Variants in BRCA1 observed in about 807,000 individuals in gnomAD.
BRCA1 encodes breast cancer type 1 susceptibility protein.
In BRCA1, 140 loss-of-function variants were observed where a neutral mutation model predicts 173.7. The ratio of observed to expected loss-of-function variants is 0.81; its 90% CI spans 0.70 to 0.93. The LOEUF is 0.93. BRCA1 is among the 40% of genes least tolerant of loss of function. The pLI is 0.00. For missense variants in BRCA1, 1,983 were observed against 2,172.5 expected, an observed-to-expected ratio of 0.91 and a Z score of 1.73; for synonymous variants, 662 against 756.0, an observed-to-expected ratio of 0.88 and a Z score of 2.04.
chr17:43,164,002 G>C (rs866844265), intron 1 of BRCA1: 1 of 152,252 alleles, frequency 6.6e-6, no homozygotes, highest in Non-Finnish European at 1.5e-5. Flanking sequence ...GTCGACTGGA[G>C]GACCACCTTA....
chr17:43,079,298 C>G, intron 12 of BRCA1: 7 of 1,537,974 alleles, frequency 4.6e-6, no homozygotes, highest in Non-Finnish European at 6.2e-6. Context: ...AGTAATTTGC[C>G]AAAATGACGA....
intron 9 of BRCA1, 33 bp downstream of exon 9, chr17:43,095,813 A>G (rs1464234975): frequency 6.5e-7 from 1 of 1,547,362 alleles, no homozygotes; most frequent in South Asian, 1.1e-5. Flanking sequence ...CTCTCTTTTC[A>G]GTGCCTGTTA....
In BRCA1 at chr17:43,119,033, C is replaced by T. The variant is rs185558851; in HGVS notation, c.81-3254G>A. 320 of 215,922 alleles carry T rather than the reference C, an allele frequency of 1.5e-3. 1 individual carries two copies. The highest frequency in any genetic ancestry group is 2.5e-3 in the Non-Finnish European group (263 of 107,124). The allele number at this position is 215,922 out of a possible 1,614,324, so 13.4% of individuals were successfully genotyped here. On this transcript the variant is annotated intron_variant, in intron 2 of 22. Coordinates refer to ENST00000357654, the MANE Select transcript of BRCA1 (RefSeq NM_007294.4). ...CATCTGCCTCGACCGGGATTACAGG[C>T]GTGAGCCACTACACTTAGCTCTAAA...
At chr17:43,138,914 T>G (rs368431490) in intron 1 of BRCA1, 1 of 778,738 alleles carries the variant, frequency 1.3e-6, no homozygotes, top group African/African-American at 1.7e-5. Flanking sequence ...CCTCTGGAAA[T>G]CAGCTGTGGT....
At chr17:43,123,102 A>C (rs1449270040) in intron 2 of BRCA1, among the ~76,000 whole-genome samples, 1 of 151,668 alleles carries the variant, frequency 6.6e-6, no homozygotes, top group Admixed American at 6.6e-5. Context: ...ATGGTGGTGC[A>C]CACCTATCGT....
At position 43,092,016 on chromosome 17, in the gene BRCA1, T is replaced by C. The variant is rs80357206; in HGVS notation, c.3515A>G (p.Glu1172Gly). The change falls in exon 10 of 23, where the codon GAA becomes GGA. Residue 1172 changes from glutamate to glycine, a missense_variant. Physicochemically the swap from Glu to Gly is moderately conservative, Grantham distance 98 (BLOSUM62 -2). Transcript: ENST00000357654. ...GCTTTTGCTAAAAACAGCAGAACTT[T>C]CCTTAATGTCATTTTCAGCAAAACT... is the stretch of plus-strand genomic sequence containing the variant. ...DTSFAENDIKESSAVFSKSVQ... is the reference protein window; with the variant it reads ...DTSFAENDIKGSSAVFSKSVQ... 1.2e-6 allele frequency: 2 copies of C among 1,613,980 alleles called. No homozygotes were observed. Among genetic ancestry groups the C allele is most frequent in the Non-Finnish European group, 1.7e-6 (2 of 1,180,016 alleles).
At chr17:43,168,510 C>G (rs1305075835) in intron 1 of BRCA1, among the ~76,000 whole-genome samples, 1 of 152,178 alleles carries the variant, frequency 6.6e-6, no homozygotes, top group African/African-American at 2.4e-5. Flanking sequence ...CATGGTGGTG[C>G]ATGCGTGTAA....
rs2154300137 is a variant in BRCA1 at position 43,091,932 on chromosome 17, T to C, written c.3599A>G (p.Gln1200Arg). The C allele has an allele frequency of 6.2e-7, 1 of 1,614,098 alleles. No homozygotes were observed. Among genetic ancestry groups the C allele is most frequent in the Non-Finnish European group, 8.5e-7 (1 of 1,179,946 alleles). Residue 1200 changes from glutamine to arginine, a missense_variant, in exon 10 of 23, where the codon CAG becomes CGG. Physicochemically the swap from Gln to Arg is conservative, Grantham distance 43 (BLOSUM62 1). Coordinates refer to ENST00000357654, the MANE Select transcript of BRCA1 (RefSeq NM_007294.4). ...TTTCTTGGCCCCTCTTCGGTAACCC[T>C]GAGCCAAATGTGTATGGGTGAAAGG... ...PSPFTHTHLA[Q>R]GYRRGAKKLE...
chr17:43,087,632 A>C (rs1469147167), intron 11 of BRCA1, among the ~76,000 whole-genome samples: 1 of 151,326 alleles, frequency 6.6e-6, no homozygotes, highest in Admixed American at 6.6e-5. Context: ...ACTGCACTCC[A>C]GCCTGGGCAA....
rs11421283 is a variant in BRCA1 at position 43,067,836 on chromosome 17, A to ATT, written c.4987-143_4987-142dup. The ATT allele has an allele frequency of 0.021, 4,453 of 213,860 alleles. 87 individuals carry two copies. The highest frequency in any genetic ancestry group is 0.072 in the African/African-American group (1,680 of 23,406). 13.2% of individuals were successfully genotyped at this position (213,860 alleles called of 1,614,324 possible). On this transcript the variant is annotated intron_variant, in intron 15 of 22. Coordinates refer to ENST00000357654, the MANE Select transcript of BRCA1 (RefSeq NM_007294.4). ...CGTGTCCTGGAACTATTTAAAGTGA[A>ATT]TTTTTTTTTTTTTTTTTTTAGACAG...
intron 14 of BRCA1, among the ~76,000 whole-genome samples, chr17:43,073,317 T>A (rs2052538484): frequency 6.6e-6 from 1 of 152,170 alleles, no homozygotes; most frequent in African/African-American, 2.4e-5. Flanking sequence ...ACACCATTAC[T>A]TTTTTCACTT....
In BRCA1 at chr17:43,094,066, C is replaced by T. The variant is rs80357167; in HGVS notation, c.1465G>A (p.Glu489Lys). 1.2e-6 allele frequency: 2 copies of T among 1,614,078 alleles called. No homozygotes were observed. The highest frequency in any genetic ancestry group is 1.7e-6 in the Non-Finnish European group (2 of 1,179,994). ...GGACGCTCTTGTATTATCTGTGGCT[C>T]AGTAACAAATGCTCCTATAATTAGA... is the stretch of plus-strand genomic sequence containing the variant. ...ENLIIGAFVT[E>K]PQIIQERPLT... The change falls in exon 10 of 23, where the codon GAG becomes AAG. Residue 489 changes from glutamate (E) to lysine (K), a missense_variant. Physicochemically the swap from Glu to Lys is moderately conservative, Grantham distance 56 (BLOSUM62 1). Coordinates refer to ENST00000357654, the MANE Select transcript of BRCA1 (RefSeq NM_007294.4).
chr17:43,126,230 C>G (rs918389981), upstream of BRCA1, among the ~76,000 whole-genome samples: 1 of 152,190 alleles, frequency 6.6e-6, no homozygotes, highest in Non-Finnish European at 1.5e-5. Flanking sequence ...TTTTCGGGTT[C>G]AGCTTGCTTT....
intron 3 of BRCA1, among the ~76,000 whole-genome samples, chr17:43,108,896 G>A (rs2054913623): frequency 6.6e-6 from 1 of 152,002 alleles, no homozygotes; most frequent in Non-Finnish European, 1.5e-5. Flanking sequence ...AGGAGGCTGA[G>A]GCAGGAGAAT....
chr17:43,079,628 GA>G, intron 12 of BRCA1: 3 of 843,088 alleles, frequency 3.6e-6, no homozygotes, highest in South Asian at 1.3e-5. Context: ...ACGCGTGAAG[GA>G]AAATGATCAG....
In BRCA1 at chr17:43,092,255, C is replaced by T. The variant is rs764458412; in HGVS notation, c.3276G>A (p.Glu1092=). Residue 1092 remains glutamate, a synonymous_variant, in exon 10 of 23, where the codon GAG becomes GAA. Transcript: ENST00000357654. ...TTCCAGGAAGACTTTGTTTATAGAC[C>T]TCAGGTTGCAAAACCCCTAATCTAA... ...AMLRLGVLQP[E]VYKQSLPGSN... The T allele has an allele frequency of 1.2e-6, 2 of 1,613,614 alleles. No homozygotes were observed. Among genetic ancestry groups the T allele is most frequent in the Non-Finnish European group, 1.7e-6 (2 of 1,179,958 alleles).
intron 1 of BRCA1, among the ~76,000 whole-genome samples, chr17:43,155,328 C>T (rs1415449252): frequency 6.6e-6 from 1 of 152,078 alleles, no homozygotes; most frequent in African/African-American, 2.4e-5. Context: ...CACCACCATG[C>T]CTTGGCCTCC....
chr17:43,099,065 C>T (rs1445854450), intron 7 of BRCA1, among the ~76,000 whole-genome samples: 4 of 150,976 alleles, frequency 2.6e-5, no homozygotes, highest in South Asian at 2.1e-4. Flanking sequence ...TCAGGTGATC[C>T]GCCCACCTCG....
intron 9 of BRCA1, 71 bp from the exon 10 acceptor site, chr17:43,094,931 C>T (rs2054071934): frequency 7.0e-7 from 1 of 1,418,632 alleles, no homozygotes; most frequent in Non-Finnish European, 9.6e-7. Flanking sequence ...ACTTCATACA[C>T]CTTGGAGGTG....
Sources: gnomAD v4.1 joint callset for allele counts (sites outside exome capture counted in the v4.1 genomes callset) on GRCh38, gnomAD v4.1.1 for gene constraint, MANE v1.5 for transcripts, NCBI Gene and HGNC (gene_info 2026-07-23, HGNC 2026-07-21) for gene names.